Variants in MYCBP2 observed in about 807,000 individuals in gnomAD.
MYCBP2 encodes MYC binding protein 2, also known as E3 ubiquitin-protein ligase MYCBP2.
A neutral mutation model predicts 525.3 loss-of-function variants in MYCBP2; 120 were observed. That is an observed-to-expected ratio of 0.23 (90% CI 0.20 to 0.27). The LOEUF (loss-of-function observed/expected upper bound fraction) is 0.27, where lower values mean the gene tolerates loss of function less well. MYCBP2 is among the 10% of genes least tolerant of loss of function. The pLI is 1.00. For missense variants in MYCBP2, 4,149 were observed against 5,657.1 expected, an observed-to-expected ratio of 0.73 and a Z score of 8.55; for synonymous variants, 1,894 against 1,955.8, an observed-to-expected ratio of 0.97 and a Z score of 0.83.
At chr13:77,171,744 A>T (rs2059162374) in intron 37 of MYCBP2, 110 bp from the exon 38 acceptor site, 1 of 1,053,094 alleles carries the variant, frequency 9.5e-7, no homozygotes, top group African/African-American at 1.6e-5. Flanking sequence ...AGCTTTTTAA[A>T]AGTTAAAAAA....
intron 2 of MYCBP2, among the ~76,000 whole-genome samples, 162 bp downstream of exon 2, chr13:77,296,437 G>A (rs1349446951): frequency 6.6e-6 from 1 of 151,204 alleles, no homozygotes; most frequent in East Asian, 1.9e-4. Flanking sequence ...ACACCCAAAA[G>A]AAAGATGAAA....
intron 55 of MYCBP2, among the ~76,000 whole-genome samples, chr13:77,108,008 T>C (rs1201482514): frequency 1.3e-5 from 2 of 152,172 alleles, no homozygotes; most frequent in Non-Finnish European, 2.9e-5. Context: ...GATTTGTTTA[T>C]ATAACTGTAT....
intron 40 of MYCBP2, 50 bp from the exon 41 acceptor site, chr13:77,166,604 A>G (rs752627023): frequency 7.1e-6 from 9 of 1,270,744 alleles, no homozygotes; most frequent in Non-Finnish European, 9.0e-6. Flanking sequence ...ATATACACAA[A>G]CATACACATC....
intron 15 of MYCBP2, among the ~76,000 whole-genome samples, chr13:77,246,017 T>A (rs1429078997): frequency 6.6e-6 from 1 of 152,104 alleles, no homozygotes; most frequent in African/African-American, 2.4e-5. Flanking sequence ...ATATGGGGTA[T>A]ATGTTGACAA....
At chr13:77,063,972 T>C (rs1017374161) in intron 73 of MYCBP2, among the ~76,000 whole-genome samples, 7 of 152,162 alleles carry the variant, frequency 4.6e-5, no homozygotes, top group African/African-American at 1.7e-4. Flanking sequence ...CCTAAGCAAT[T>C]TTTACCAGCA....
intron 3 of MYCBP2, among the ~76,000 whole-genome samples, chr13:77,285,894 G>GAAAGGAAAGGAAAGC (rs1567157987): frequency 9.8e-6 from 1 of 101,700 alleles, no homozygotes; most frequent in African/African-American, 3.7e-5. Flanking sequence ...GAAAGGAAAG[G>GAAAGGAAAGGAAAGC]AAAGCAAAGG....
chr13:77,246,506 AAGG>A (rs971150006), intron 15 of MYCBP2, among the ~76,000 whole-genome samples: 20 of 151,396 alleles, frequency 1.3e-4, no homozygotes, highest in Admixed American at 6.6e-4. Flanking sequence ...GAAGGAAAAG[AAGG>A]AGAAGGAGGA....
intron 26 of MYCBP2, among the ~76,000 whole-genome samples, chr13:77,194,848 T>C (rs2061602083): frequency 6.6e-6 from 1 of 151,872 alleles, no homozygotes; most frequent in Non-Finnish European, 1.5e-5. Flanking sequence ...CAAAATATAG[T>C]TCAAAGTAAT....
At chr13:77,317,961 C>G (rs2081161643) in intron 1 of MYCBP2, among the ~76,000 whole-genome samples, 1 of 149,690 alleles carries the variant, frequency 6.7e-6, no homozygotes, top group Non-Finnish European at 1.5e-5. Context: ...CATAACATAA[C>G]ATAACATAAC....
At chr13:77,211,391 T>C (rs527519850) in intron 22 of MYCBP2, 71 bp from the exon 23 acceptor site, 2 of 766,264 alleles carry the variant, frequency 2.6e-6, no homozygotes, top group African/African-American at 1.8e-5. Flanking sequence ...ACCCATAAAG[T>C]AGTATTATCT....
intron 40 of MYCBP2, 152 bp downstream of exon 40, chr13:77,168,276 T>C: frequency 1.7e-6 from 1 of 604,832 alleles, no homozygotes; most frequent in South Asian, 2.3e-5. Context: ...ATTTTATATA[T>C]CCAACAGTGC....
rs2054375671 is a variant in MYCBP2, at chr13:77,140,124, T to C, written c.7441A>G (p.Ile2481Val). 1 of 1,613,176 alleles carries C rather than the reference T, an allele frequency of 6.2e-7. No individual in the cohort carries two copies. The highest frequency in any genetic ancestry group is 1.1e-5 in the South Asian group (1 of 90,926). Residue 2481 changes from isoleucine (I) to valine (V), a missense_variant, in exon 51 of 83, where the codon ATC becomes GTC. Physicochemically the swap from Ile to Val is conservative, Grantham distance 29. Around this residue, in one of 21 missense-constraint regions of MYCBP2, gnomAD observed 692 missense variants for 852.7 expected, o/e 0.81. Coordinates refer to ENST00000544440, the MANE Select transcript of MYCBP2 (RefSeq NM_015057.5). ...CTCTGAAGGGAAGGGTGGCTACGGATGCGAAGCCCCGCACTGTCCTTGGCC... is the reference window on the plus strand; with the variant it reads ...CTCTGAAGGGAAGGGTGGCTACGGACGCGAAGCCCCGCACTGTCCTTGGCC... The part of the protein sequence containing the change: ...FVAKDSAGLR[I>V]RSHPSLQSEQ...
chr13:77,272,649 A>G (rs1347516485), intron 5 of MYCBP2, among the ~76,000 whole-genome samples: 1 of 152,246 alleles, frequency 6.6e-6, no homozygotes, highest in Admixed American at 6.5e-5. Context: ...AAGGGACAAA[A>G]GGATTCCAAG....
chr13:77,083,993 C>A (rs907047753), intron 62 of MYCBP2, among the ~76,000 whole-genome samples: 1 of 152,034 alleles, frequency 6.6e-6, no homozygotes, highest in Non-Finnish European at 1.5e-5. Context: ...GAGATTATTA[C>A]TTATTAGATA....
At chr13:77,145,429 T>C (rs1272315284) in intron 48 of MYCBP2, among the ~76,000 whole-genome samples, 1 of 152,214 alleles carries the variant, frequency 6.6e-6, no homozygotes, top group Non-Finnish European at 1.5e-5. Flanking sequence ...TGCCCCAGGA[T>C]TTGGGTCTGG....
intron 8 of MYCBP2, among the ~76,000 whole-genome samples, chr13:77,267,412 AT>A (rs2074259970): frequency 1.3e-5 from 2 of 148,754 alleles, no homozygotes; most frequent in African/African-American, 5.0e-5. Flanking sequence ...ATAAAATAAA[AT>A]TAAATTAAAT....
chr13:77,232,833 G>A (rs2067314959), intron 18 of MYCBP2, among the ~76,000 whole-genome samples: 1 of 152,084 alleles, frequency 6.6e-6, no homozygotes, highest in Admixed American at 6.6e-5. Context: ...TCATTAAAGA[G>A]CAAATAATAA....
chr13:77,092,854 A>AC (rs2045665046), intron 59 of MYCBP2, among the ~76,000 whole-genome samples: 1 of 152,088 alleles, frequency 6.6e-6, no homozygotes, highest in Admixed American at 6.5e-5. Flanking sequence ...TTTAAGATTT[A>AC]TTTTCAATGC....
intron 26 of MYCBP2, among the ~76,000 whole-genome samples, chr13:77,201,219 C>CA (rs1829387779): frequency 6.7e-6 from 1 of 148,998 alleles, no homozygotes; most frequent in African/African-American, 2.5e-5. Context: ...AAATGGAAAA[C>CA]AAAAAAAGGC....
Sources: allele counts gnomAD v4.1 joint callset (sites outside exome capture counted in the v4.1 genomes callset), GRCh38; gene constraint gnomAD v4.1.1; regional missense constraint gnomAD v4.1.1; transcripts MANE v1.5; gene names NCBI Gene and HGNC (gene_info 2026-07-23, HGNC 2026-07-21).